Variants in TANC2 observed in about 807,000 individuals in gnomAD.
The protein encoded by TANC2 is tetratricopeptide repeat, ankyrin repeat and coiled-coil containing 2.
In TANC2, 26 loss-of-function variants were observed where a neutral mutation model predicts 210.5. The ratio of observed to expected loss-of-function variants is 0.12; its 90% confidence interval spans 0.09 to 0.17. TANC2 has a LOEUF of 0.17. TANC2 is among the 10% of genes least tolerant of loss of function. The probability of loss-of-function intolerance (pLI) is 1.00; values close to 1 mark genes in which losing one functional copy is unlikely to be tolerated. For missense variants in TANC2, 2,129 were observed against 2,608.9 expected (o/e 0.82, Z 4.01); for synonymous variants, 931 against 967.1 (o/e 0.96, Z 0.69).
At chr17:63,352,718 T>A (rs2046651793) in intron 13 of TANC2, among the ~76,000 whole-genome samples, 1 of 152,306 alleles carries the variant, frequency 6.6e-6, no homozygotes, top group South Asian at 2.1e-4. Flanking sequence ...TAAGAATTTT[T>A]AAAAATTATT....
At chr17:63,280,793 G>A (rs1194949652) in intron 9 of TANC2, among the ~76,000 whole-genome samples, 2 of 152,168 alleles carry the variant, frequency 1.3e-5, no homozygotes, top group Middle Eastern at 3.4e-3. Flanking sequence ...AACTTCAGTA[G>A]GTCTTTTTTA....
At chr17:63,332,543 A>G (rs1307211507) in intron 11 of TANC2, 1 of 369,132 alleles carries the variant, frequency 2.7e-6, no homozygotes, top group Non-Finnish European at 5.3e-6. Flanking sequence ...CAGCCATTTC[A>G]CAAACCCAGG....
chr17:63,222,686 T>C (rs924425951), intron 7 of TANC2, among the ~76,000 whole-genome samples: 3 of 151,858 alleles, frequency 2.0e-5, no homozygotes, highest in Non-Finnish European at 1.5e-5. Context: ...ATGAATCTTA[T>C]TGTATGTAAA....
intron 14 of TANC2, among the ~76,000 whole-genome samples, chr17:63,373,544 T>C (rs1475901010): frequency 6.6e-6 from 1 of 152,216 alleles, no homozygotes; most frequent in Non-Finnish European, 1.5e-5. Context: ...GAAGTTCTCA[T>C]TCTAGCTCTT....
At chr17:63,091,984 G>A (rs935643464) in intron 3 of TANC2, among the ~76,000 whole-genome samples, 1 of 151,984 alleles carries the variant, frequency 6.6e-6, no homozygotes, top group African/African-American at 2.4e-5. Context: ...ATTGTGAATG[G>A]GAGTTCACTC....
chr17:63,327,480 C>G (rs185503989), intron 11 of TANC2, among the ~76,000 whole-genome samples: 102 of 152,260 alleles, frequency 6.7e-4, no homozygotes, highest in Non-Finnish European at 7.4e-5. Flanking sequence ...TGAATGGATT[C>G]TTTAAGTGTG....
In TANC2 at chr17:63,421,016, A is replaced by G. The variant is rs201729133; in HGVS notation, c.5286A>G (p.Gln1762=). ...ATGGAAGGCCGGTGCAGCATGTCCA[A>G]GCCAGCCTGAGTGCAGGCGCCATCT... The change falls in exon 28 of 28, where the codon CAA becomes CAG. Residue 1762 remains glutamine (Q), a synonymous_variant. Coordinates refer to ENST00000689528, the Ensembl canonical transcript of TANC2. This position sits in a 1 kb window ranked among gnomAD's most constrained non-coding sequence, Gnocchi z 6.9. The G allele has an allele frequency of 1.2e-6, 2 of 1,614,008 alleles. No homozygotes were observed. Among genetic ancestry groups the G allele is most frequent in the East Asian group, 4.5e-5 (2 of 44,892 alleles).
chr17:63,041,501 G>C (rs1256664072), intron 2 of TANC2, among the ~76,000 whole-genome samples: 1 of 152,164 alleles, frequency 6.6e-6, no homozygotes, highest in Non-Finnish European at 1.5e-5. Context: ...TCGGAGATGG[G>C]AAGGGGTTTG....
intron 5 of TANC2, among the ~76,000 whole-genome samples, chr17:63,190,664 G>A (rs1305919558): frequency 6.6e-6 from 1 of 152,030 alleles, no homozygotes; most frequent in Admixed American, 6.5e-5. Context: ...GATTGATTTG[G>A]GGAGTATTGA....
intron 7 of TANC2, among the ~76,000 whole-genome samples, chr17:63,213,277 C>A (rs1274116993): frequency 6.6e-6 from 1 of 152,120 alleles, no homozygotes; most frequent in Non-Finnish European, 1.5e-5. Flanking sequence ...GACATGGTAC[C>A]TAAAGACAGA....
chr17:63,278,732 A>C (rs1163220334), intron 9 of TANC2, among the ~76,000 whole-genome samples: 1 of 152,194 alleles, frequency 6.6e-6, no homozygotes, highest in African/African-American at 2.4e-5. Context: ...CCTAAATGTT[A>C]AAGGATGAAT....
intron 15 of TANC2, among the ~76,000 whole-genome samples, chr17:63,384,517 C>G (rs1232533629): frequency 6.6e-6 from 1 of 151,968 alleles, no homozygotes; most frequent in South Asian, 2.1e-4. Context: ...ATAGGTGACT[C>G]TTACCTACAT....
chr17:63,035,780 C>T (rs1007575688), intron 2 of TANC2, among the ~76,000 whole-genome samples: 2 of 152,156 alleles, frequency 1.3e-5, no homozygotes, highest in African/African-American at 4.8e-5. Context: ...AAGGAACTGC[C>T]AAGCAGTTTT....
At chr17:63,278,944 A>G (rs2043977309) in intron 9 of TANC2, among the ~76,000 whole-genome samples, 1 of 152,150 alleles carries the variant, frequency 6.6e-6, no homozygotes, top group African/African-American at 2.4e-5. Context: ...GCTGGGGGAA[A>G]GAGGAAATGG....
chr17:63,317,223 A>T (rs2045344044), intron 10 of TANC2, among the ~76,000 whole-genome samples: 1 of 152,152 alleles, frequency 6.6e-6, no homozygotes, highest in Non-Finnish European at 1.5e-5. Flanking sequence ...AAAGCTGAGC[A>T]CCACTGCTGT....
chr17:63,399,729 G>A (rs2048284793), intron 19 of TANC2, among the ~76,000 whole-genome samples: 1 of 152,206 alleles, frequency 6.6e-6, no homozygotes, highest in African/African-American at 2.4e-5. Context: ...AGAAGGGTAT[G>A]CATTTGGGTT....
chr17:63,420,969 T>C lies in TANC2; in HGVS notation c.5239T>C (p.Ser1747Pro). Residue 1747 changes from serine (S) to proline (P), a missense_variant, in exon 28 of 28, where the codon TCA (serine) becomes CCA (proline). Ser to Pro is a moderately conservative substitution (Grantham distance 74). Coordinates refer to ENST00000689528, the Ensembl canonical transcript of TANC2. This position sits in a 1 kb window ranked among gnomAD's most constrained non-coding sequence, Gnocchi z 4.2. ...CCAGAGCCGGTTGGTTTATCAAGGG[T>C]CAATTGGGGGAATCGTAGGGGATGG... 2 of 1,613,834 alleles carry C rather than the reference T, an allele frequency of 1.2e-6. No homozygotes were observed. The highest frequency in any genetic ancestry group is 1.7e-6 in the Non-Finnish European group (2 of 1,179,846).
chr17:63,121,258 A>T (rs978546215), intron 4 of TANC2, among the ~76,000 whole-genome samples: 2 of 152,212 alleles, frequency 1.3e-5, no homozygotes, highest in African/African-American at 4.8e-5. Context: ...TTACCACTGT[A>T]AACTTTGCAG....
intron 18 of TANC2, chr17:63,396,652 A>C (rs1225089251): frequency 1.3e-5 from 2 of 152,178 alleles, no homozygotes; most frequent in African/African-American, 4.8e-5. Flanking sequence ...AGAAGAACAA[A>C]ATCATGTCCT....
Sources: allele counts gnomAD v4.1 joint callset (sites outside exome capture counted in the v4.1 genomes callset), GRCh38; gene constraint gnomAD v4.1.1; non-coding constraint Gnocchi (gnomAD v3.1); transcripts MANE v1.5; gene names NCBI Gene and HGNC (gene_info 2026-07-23, HGNC 2026-07-21).